CEMIP: variants seen among roughly 807,000 people sequenced by gnomAD.
The protein encoded by CEMIP is cell migration inducing hyaluronidase 1, also known as cell migration-inducing and hyaluronan-binding protein.
A neutral mutation model predicts 156.9 loss-of-function variants in CEMIP; 105 were observed. The observed-to-expected ratio is 0.67, with a 90% CI of 0.57 to 0.79. The LOEUF is 0.79. Among genes scored for constraint, CEMIP ranks in the 30% least tolerant of loss-of-function variants. The pLI, the probability that CEMIP is intolerant of heterozygous loss-of-function variation, is 0.00. For synonymous variants in CEMIP, 676 were observed against 668.4 expected (o/e 1.01, Z -0.17); for missense variants, 1,457 against 1,769.4 (o/e 0.82, Z 3.17).
intron 17 of CEMIP, 87 bp from the exon 18 acceptor site, chr15:80,924,534 C>A: frequency 8.6e-7 from 1 of 1,157,224 alleles, no homozygotes; most frequent in African/African-American, 1.5e-5. Flanking sequence ...CCGGAGCATT[C>A]AGAAGTATGC....
Position 80,920,265 on chromosome 15 carries a change from C to G in CEMIP, c.1969C>G (p.Pro657Ala). 6.2e-7 allele frequency: 1 copy of G among 1,614,164 alleles called. No homozygotes were observed. Among genetic ancestry groups the G allele is most frequent in the Non-Finnish European group, 8.5e-7 (1 of 1,180,022 alleles). ...CAAGATGATCACAGAGGACTCCTAC[C>G]CGGGGTACATCCCCAAGCCCAGGCA... ...MCKMITEDSY[P>A]GYIPKPRQDC... Residue 657 changes from proline (P) to alanine (A), a missense_variant, in exon 15 of 30, where the codon CCG becomes GCG. Physicochemically the swap from Pro to Ala is conservative, Grantham distance 27. Coordinates refer to ENST00000394685, the MANE Select transcript of CEMIP (RefSeq NM_001293298.2).
At position 80,932,037 on chromosome 15, in the gene CEMIP, C is replaced by A; in HGVS notation, c.2791C>A (p.Pro931Thr). 6.2e-7 allele frequency: 1 copy of A among 1,613,282 alleles called. No homozygotes were observed. ...NVTGIAFEDVPITSRVFFGEP... is the reference protein window; with the variant it reads ...NVTGIAFEDVTITSRVFFGEP... ...GACCGGCATTGCCTTTGAGGACGTT[C>A]CGGTGAGTGAGGCGCCAGGGCAGAC... Residue 931 changes from proline (P) to threonine (T), a missense_variant and splice_region_variant, in exon 22 of 30, where the codon CCG (proline) becomes ACG (threonine). By Grantham distance (38) the Pro-to-Thr change is conservative. Transcript: ENST00000394685. The surrounding 1 kb of genome is among the most constrained non-coding windows in gnomAD (Gnocchi z 4.5).
intron 1 of CEMIP, among the ~76,000 whole-genome samples, chr15:80,865,564 C>T (rs1340460018): frequency 6.6e-6 from 1 of 151,960 alleles, no homozygotes; most frequent in African/African-American, 2.4e-5. Context: ...CTGTACTGGA[C>T]AGCATGCAGC....
At chr15:80,934,665 G>A (rs1316294440) in intron 23 of CEMIP, among the ~76,000 whole-genome samples, 1 of 152,178 alleles carries the variant, frequency 6.6e-6, no homozygotes, top group Non-Finnish European at 1.5e-5. Flanking sequence ...ATGGTGGTTT[G>A]GGGGTGGAGG....
chr15:80,806,475 C>A (rs966950178), intron 1 of CEMIP, among the ~76,000 whole-genome samples: 4 of 152,028 alleles, frequency 2.6e-5, no homozygotes, highest in Non-Finnish European at 5.9e-5. Context: ...ATGGGATGAC[C>A]CAAGAGAATA....
At chr15:80,910,925 T>G (rs1596184497) in intron 14 of CEMIP, among the ~76,000 whole-genome samples, 1 of 152,224 alleles carries the variant, frequency 6.6e-6, no homozygotes, top group East Asian at 1.9e-4. Flanking sequence ...GGAGAATGTT[T>G]TCTGGCTGAA....
At chr15:80,802,103 T>C (rs952953567) in intron 1 of CEMIP, among the ~76,000 whole-genome samples, 3 of 152,222 alleles carry the variant, frequency 2.0e-5, no homozygotes, top group African/African-American at 7.2e-5. Context: ...TGGGGTCATA[T>C]TGCATTGTTT....
At chr15:80,781,009 C>T (rs545572003) in intron 1 of CEMIP, among the ~76,000 whole-genome samples, 10 of 152,302 alleles carry the variant, frequency 6.6e-5, no homozygotes, top group African/African-American at 2.2e-4. Context: ...GCAGGACCTC[C>T]CGGGGGCACT....
intron 1 of CEMIP, among the ~76,000 whole-genome samples, chr15:80,787,715 T>C (rs1895975771): frequency 6.6e-6 from 1 of 152,214 alleles, no homozygotes; most frequent in East Asian, 1.9e-4. Flanking sequence ...TGCCGGTTTC[T>C]AAAATCCCAT....
In CEMIP at chr15:80,948,798, G is replaced by C. The variant is rs1413130039; in HGVS notation, c.3960G>C (p.Glu1320Asp). Reference sequence around the variant, plus strand: ...AGGAGACTCATCATTGCTTTTCAGAGCAAATGGCATTCGTTGGCTTCAAAG... The same window carrying C: ...AGGAGACTCATCATTGCTTTTCAGACCAAATGGCATTCGTTGGCTTCAAAG... The part of the protein sequence containing the change: ...LGADRGLKLK[E>D]QMAFVGFKGS... The change falls in exon 30 of 30, where the codon GAG (glutamate) becomes GAC (aspartate). Residue 1320 changes from glutamate (E) to aspartate (D), a missense_variant and splice_region_variant. Glu to Asp is a conservative substitution (Grantham distance 45). Around this residue, in one of 5 missense-constraint regions of CEMIP, gnomAD observed 798 missense variants for 980.1 expected, o/e 0.81. Transcript: ENST00000394685. 1.9e-6 allele frequency: 3 copies of C among 1,614,158 alleles called. No homozygotes were observed. Among genetic ancestry groups the C allele is most frequent in the Non-Finnish European group, 2.5e-6 (3 of 1,180,034 alleles).
chr15:80,916,601 ATATC>A (rs1900283993), intron 14 of CEMIP, among the ~76,000 whole-genome samples: 2 of 151,992 alleles, frequency 1.3e-5, no homozygotes, highest in African/African-American at 2.4e-5. Context: ...CCATCTATCT[ATATC>A]TATCTATCCA....
chr15:80,948,688 G>A, intron 29 of CEMIP, 109 bp from the exon 30 acceptor site: 2 of 1,434,734 alleles, frequency 1.4e-6, no homozygotes, highest in South Asian at 1.1e-5. Flanking sequence ...AGTGTGGCTA[G>A]GCGGTACCTG....
In CEMIP at chr15:80,929,112, G is replaced by A. The variant is rs1392241548; in HGVS notation, c.2550G>A (p.Met850Ile). 2 of 1,614,198 alleles carry A rather than the reference G, an allele frequency of 1.2e-6. No homozygotes were observed. The highest frequency in any genetic ancestry group is 1.1e-5 in the South Asian group (1 of 91,084). Residue 850 changes from methionine to isoleucine, a missense_variant, in exon 21 of 30, where the codon ATG (methionine) becomes ATA (isoleucine). By Grantham distance (10) the Met-to-Ile change is conservative (BLOSUM62 1). Transcript: ENST00000394685. ...GESGNVGTEMMDNRIWGPGGL... is the reference protein window; with the variant it reads ...GESGNVGTEMIDNRIWGPGGL... ...GTGGCAACGTGGGGACGGAAATGATGGACAATAGGATCTGGGGCCCTGGCG... is the reference window on the plus strand; with the variant it reads ...GTGGCAACGTGGGGACGGAAATGATAGACAATAGGATCTGGGGCCCTGGCG...
chr15:80,918,116 A>G (rs1900340118), intron 14 of CEMIP, among the ~76,000 whole-genome samples: 1 of 152,156 alleles, frequency 6.6e-6, no homozygotes, highest in Non-Finnish European at 1.5e-5. Flanking sequence ...CTCTACCAAA[A>G]ATACAAAAAT....
intron 1 of CEMIP, among the ~76,000 whole-genome samples, chr15:80,808,396 A>G (rs1896570010): frequency 6.6e-6 from 1 of 152,202 alleles, no homozygotes; most frequent in African/African-American, 2.4e-5. Context: ...TGAGCTGGGA[A>G]TATAAACTGG....
chr15:80,839,903 G>A (rs1416247076), intron 1 of CEMIP, among the ~76,000 whole-genome samples: 1 of 152,206 alleles, frequency 6.6e-6, no homozygotes, highest in African/African-American at 2.4e-5. Flanking sequence ...AACCCTAGCA[G>A]GTTGGCACTA....
At chr15:80,900,457 C>T (rs1047659770) in intron 12 of CEMIP, among the ~76,000 whole-genome samples, 7 of 152,028 alleles carry the variant, frequency 4.6e-5, no homozygotes, top group East Asian at 3.9e-4. Context: ...AGCCCCACCC[C>T]AGCCTACCTC....
chr15:80,807,340 C>T (rs540187652), intron 1 of CEMIP, among the ~76,000 whole-genome samples: 8 of 151,842 alleles, frequency 5.3e-5, no homozygotes, highest in South Asian at 4.2e-4. Context: ...AAGTGATCCT[C>T]CTACTTCAGC....
At chr15:80,809,588 G>A (rs1443547317) in intron 1 of CEMIP, among the ~76,000 whole-genome samples, 1 of 152,200 alleles carries the variant, frequency 6.6e-6, no homozygotes, top group Non-Finnish European at 1.5e-5. Flanking sequence ...CCTGTGGATA[G>A]GAAGCATGGT....
Sources: allele counts gnomAD v4.1 joint callset (sites outside exome capture counted in the v4.1 genomes callset), GRCh38; gene constraint gnomAD v4.1.1; regional missense constraint gnomAD v4.1.1; non-coding constraint Gnocchi (gnomAD v3.1); transcripts MANE v1.5; gene names NCBI Gene and HGNC (gene_info 2026-07-23, HGNC 2026-07-21).